Variants in CDH11 observed in about 807,000 individuals in gnomAD.
CDH11 encodes the protein cadherin-11.
Under a neutral mutation model 67.8 loss-of-function variants are expected in CDH11, and 11 were observed. The ratio of observed to expected loss-of-function variants is 0.16; its 90% confidence interval spans 0.10 to 0.27. The LOEUF (loss-of-function observed/expected upper bound fraction) is 0.27, where lower values mean the gene tolerates loss of function less well. Ranked by LOEUF, CDH11 falls within the 10% of genes least tolerant of loss-of-function variation. The pLI, the probability that CDH11 is intolerant of heterozygous loss-of-function variation, is 1.00. For missense variants in CDH11, 847 were observed against 1,031.2 expected, an observed-to-expected ratio of 0.82 and a Z score of 2.45; for synonymous variants, 419 against 400.0, an observed-to-expected ratio of 1.05 and a Z score of -0.57.
chr16:65,045,978 G>T (rs2073955765), intron 2 of CDH11, among the ~76,000 whole-genome samples: 1 of 152,124 alleles, frequency 6.6e-6, no homozygotes, highest in Non-Finnish European at 1.5e-5. Flanking sequence ...AATCCTCTTA[G>T]GCCCAGAGCA....
intron 1 of CDH11, among the ~76,000 whole-genome samples, chr16:65,079,559 C>A (rs752376654): frequency 1.3e-5 from 2 of 152,090 alleles, no homozygotes; most frequent in Admixed American, 6.6e-5. Context: ...CTCCAATTCT[C>A]TAGGATTAGG....
At chr16:65,051,601 T>G (rs2074057279) in intron 2 of CDH11, among the ~76,000 whole-genome samples, 1 of 152,168 alleles carries the variant, frequency 6.6e-6, no homozygotes, top group Non-Finnish European at 1.5e-5. Context: ...TCATCTCAAT[T>G]TGTAATTTCC....
Position 64,946,990 on chromosome 16 carries a change from C to G in CDH11, c.*613G>C. On this transcript the variant is annotated 3_prime_UTR_variant, in exon 13 of 13. Transcript: ENST00000268603. ...TGACATAGAAATAGGGCGTCTCTCACTGAAACAAGACAGTTATATCTGGCA... is the reference window on the plus strand; with the variant it reads ...TGACATAGAAATAGGGCGTCTCTCAGTGAAACAAGACAGTTATATCTGGCA... 1 of 999,212 alleles carries G rather than the reference C, an allele frequency of 1.0e-6. No homozygotes were observed. The allele number at this position is 999,212 out of a possible 1,614,324, so 61.9% of individuals were successfully genotyped here.
intron 1 of CDH11, among the ~76,000 whole-genome samples, chr16:65,093,796 T>C (rs1159839590): frequency 1.3e-5 from 2 of 152,186 alleles, no homozygotes; most frequent in Admixed American, 6.5e-5. Flanking sequence ...TATGTTCTTA[T>C]ACGTACTATA....
intron 1 of CDH11, among the ~76,000 whole-genome samples, chr16:65,092,282 G>C (rs1260785781): frequency 6.6e-6 from 1 of 152,078 alleles, no homozygotes; most frequent in East Asian, 1.9e-4. Context: ...AGTTACCCAA[G>C]TTTTAACTAA....
intron 2 of CDH11, among the ~76,000 whole-genome samples, chr16:65,019,032 A>T (rs991081363): frequency 1.3e-5 from 2 of 152,248 alleles, no homozygotes; most frequent in African/African-American, 2.4e-5. Context: ...TGTCAAAATT[A>T]TAGGAGTTTC....
intron 7 of CDH11, chr16:64,985,423 T>C (rs35202): frequency 0.72 from 109,288 of 151,860 alleles, 41,580 homozygotes; most frequent in East Asian, 1. Flanking sequence ...TATCTTAAGA[T>C]TCTCAAGATT....
chr16:65,016,225 GC>G (rs2073304789), intron 2 of CDH11, among the ~76,000 whole-genome samples: 2 of 151,860 alleles, frequency 1.3e-5, no homozygotes, highest in Non-Finnish European at 2.9e-5. Flanking sequence ...ATCAACAATA[GC>G]CTCATAATGA....
intron 1 of CDH11, among the ~76,000 whole-genome samples, chr16:65,089,447 G>C (rs2074756586): frequency 6.6e-6 from 1 of 152,022 alleles, no homozygotes; most frequent in Non-Finnish European, 1.5e-5. Context: ...AATCGCCCTT[G>C]TGAAAACTTG....
chr16:64,974,071 T>C (rs1276334424), intron 8 of CDH11, among the ~76,000 whole-genome samples: 1 of 152,116 alleles, frequency 6.6e-6, no homozygotes, highest in Admixed American at 6.5e-5. Context: ...CATAATATTA[T>C]TGGGCTGTAT....
intron 1 of CDH11, among the ~76,000 whole-genome samples, chr16:65,079,264 CT>C (rs1362835772): frequency 6.6e-6 from 1 of 152,088 alleles, no homozygotes. Flanking sequence ...TATGACAGAT[CT>C]ATTTAAGGGC....
intron 8 of CDH11, among the ~76,000 whole-genome samples, chr16:64,977,814 T>C (rs2072217776): frequency 6.6e-6 from 1 of 152,198 alleles, no homozygotes; most frequent in African/African-American, 2.4e-5. Context: ...CCACAAAGGA[T>C]GTCAGTGAGA....
At chr16:65,050,440 T>C (rs1376664002) in intron 2 of CDH11, among the ~76,000 whole-genome samples, 1 of 152,234 alleles carries the variant, frequency 6.6e-6, no homozygotes, top group Non-Finnish European at 1.5e-5. Context: ...CTTTCATCTC[T>C]GCCTGCCTTT....
Position 65,053,870 on chromosome 16 carries a change from C to T in CDH11, c.-239G>A, listed in dbSNP as rs931456948. On this transcript the variant is annotated 5_prime_UTR_variant, in exon 2 of 13. It removes the in-frame stop codon of an upstream open reading frame in the 5' UTR. Transcript: ENST00000268603. The stretch of plus-strand genomic sequence containing the variant: ...CACTCCACCCATCTGATTGGTCACT[C>T]AACAAATGACAACACGAAGGAATGT... 2 of 455,922 alleles carry T rather than the reference C, an allele frequency of 4.4e-6. No individual in the cohort carries two copies. Among genetic ancestry groups the T allele is most frequent in the Non-Finnish European group, 8.8e-6 (2 of 226,788 alleles). 28.2% of individuals were successfully genotyped at this position (455,922 alleles called of 1,614,324 possible).
chr16:65,045,351 A>ATATATC lies in CDH11; in HGVS notation c.-173+8452_-173+8453insGATATA, dbSNP rs1555522697. On this transcript the variant is annotated intron_variant, in intron 2 of 12. Coordinates refer to ENST00000268603, the MANE Select transcript of CDH11 (RefSeq NM_001797.4). ...AAAGTATATATATATATATATATAT[A>ATATATC]TATATATATATATATATATATGAAC... 2.9e-4 allele frequency among the ~76,000 whole-genome samples: 35 copies of ATATATC among 119,628 alleles called. 3 individuals are homozygous for ATATATC. Among genetic ancestry groups the ATATATC allele is most frequent in the Non-Finnish European group, 4.5e-4 (25 of 55,494 alleles). The allele number at this position is 119,628 out of a possible 152,430, so 78.5% of individuals were successfully genotyped here.
intron 1 of CDH11, among the ~76,000 whole-genome samples, chr16:65,101,820 T>G (rs2074997054): frequency 6.6e-6 from 1 of 152,234 alleles, no homozygotes; most frequent in Admixed American, 6.5e-5. Flanking sequence ...GAATAGATAC[T>G]GTGTCTACCT....
rs994850592 is a variant in CDH11, at chr16:65,018,064, C to A, written c.-172-13023G>T. On this transcript the variant is annotated intron_variant, in intron 2 of 12. Coordinates refer to ENST00000268603, the MANE Select transcript of CDH11 (RefSeq NM_001797.4). ...AAATTGGCTTTGATGGAACTTTGTT[C>A]AGTAAGGAATCTTAGATTAGACTTT... Among the ~76,000 whole-genome samples, 231 of 152,118 alleles carry A rather than the reference C, an allele frequency of 1.5e-3. 1 individual carries two copies. Among genetic ancestry groups the A allele is most frequent in the Non-Finnish European group, 1.2e-3 (83 of 68,014 alleles).
chr16:65,035,643 T>C lies in CDH11; in HGVS notation c.-173+18161A>G, dbSNP rs79262686. Among the ~76,000 whole-genome samples, 51 of 152,222 alleles carry C rather than the reference T, an allele frequency of 3.4e-4. 2 individuals carry two copies. The East Asian group carries it at 9.7e-3, about 29-fold the overall frequency. ...CACAATGTTTATGGAATACCTGGAG[T>C]AGAGCAATCACAATAATAATTCATA... is the stretch of plus-strand genomic sequence containing the variant. On this transcript the variant is annotated intron_variant, in intron 2 of 12. Coordinates refer to ENST00000268603, the MANE Select transcript of CDH11 (RefSeq NM_001797.4).
chr16:64,972,997 T>C lies in CDH11; in HGVS notation c.1297A>G (p.Ile433Val), dbSNP rs2072054007. 3.1e-6 allele frequency: 5 copies of C among 1,613,644 alleles called. No homozygotes were observed. The African/African-American group carries it at 4.0e-5, about 13-fold the overall frequency. ...RHTDLDRFFTINPEDGFIKTT... is the reference protein window; with the variant it reads ...RHTDLDRFFTVNPEDGFIKTT... ...TTAATAAAACCATCCTCTGGATTAA[T>C]AGTGAAAAATCTGTCGAGGTCAGTG... Residue 433 changes from isoleucine to valine, a missense_variant, in exon 9 of 13, where the codon ATT becomes GTT. Ile to Val is a conservative substitution (Grantham distance 29). Transcript: ENST00000268603.
Sources: allele counts gnomAD v4.1 joint callset (sites outside exome capture counted in the v4.1 genomes callset), GRCh38; gene constraint gnomAD v4.1.1; transcripts MANE v1.5; gene names NCBI Gene and HGNC (gene_info 2026-07-23, HGNC 2026-07-21).